TNFAIP8L1: variants seen among roughly 807,000 people sequenced by gnomAD.
The protein encoded by TNFAIP8L1 is TNF alpha induced protein 8 like 1.
For missense variants in TNFAIP8L1, 225 were observed against 266.1 expected, an observed-to-expected ratio of 0.85 and a Z score of 1.08; for synonymous variants, 127 against 125.6, an observed-to-expected ratio of 1.01 and a Z score of -0.08.
At chr19:4,640,202 C>T (rs1436055509) in intron 1 of TNFAIP8L1, 1 of 152,246 alleles carries the variant, frequency 6.6e-6, no homozygotes, top group African/African-American at 2.4e-5. Context: ...GCCTCCTGGC[C>T]TTTTCTGTGA....
intron 1 of TNFAIP8L1, among the ~76,000 whole-genome samples, chr19:4,649,978 C>T (rs1248612025): frequency 3.3e-5 from 5 of 152,216 alleles, no homozygotes; most frequent in African/African-American, 1.2e-4. Flanking sequence ...CAGCCTGGCG[C>T]TGGGGTGGGA....
At chr19:4,646,491 A>G (rs1489053568) in intron 1 of TNFAIP8L1, among the ~76,000 whole-genome samples, 1 of 151,990 alleles carries the variant, frequency 6.6e-6, no homozygotes, top group Non-Finnish European at 1.5e-5. Flanking sequence ...AATTTCTGGA[A>G]TCTCTAATTC....
intron 1 of TNFAIP8L1, among the ~76,000 whole-genome samples, chr19:4,643,228 G>A (rs371580440): frequency 4.8e-4 from 72 of 151,448 alleles, no homozygotes; most frequent in South Asian, 3.5e-3. Flanking sequence ...GCAGTGAGCC[G>A]AGATCACGCC....
chr19:4,646,166 A>G (rs78417497), intron 1 of TNFAIP8L1, among the ~76,000 whole-genome samples: 2,065 of 152,168 alleles, frequency 0.014, 42 homozygotes, highest in African/African-American at 0.048. Context: ...TTTTGCACCC[A>G]GGCTGGAGTG....
chr19:4,644,961 G>A (rs536443856), intron 1 of TNFAIP8L1, among the ~76,000 whole-genome samples: 1 of 152,296 alleles, frequency 6.6e-6, no homozygotes, highest in African/African-American at 2.4e-5. Context: ...GTGGGATGAG[G>A]CCTGGGATCA....
chr19:4,649,118 C>T (rs1487241128), intron 1 of TNFAIP8L1, among the ~76,000 whole-genome samples: 4 of 151,468 alleles, frequency 2.6e-5, no homozygotes, highest in African/African-American at 7.3e-5. Context: ...TTAGTAGAGA[C>T]GGGGTTTCAC....
intron 1 of TNFAIP8L1, 138 bp from the exon 2 acceptor site, chr19:4,651,729 T>C (rs1380423810): frequency 1.0e-6 from 1 of 974,490 alleles, no homozygotes; most frequent in Non-Finnish European, 1.5e-6. Flanking sequence ...ATTACAGGCG[T>C]GAGCCACTGC....
chr19:4,649,822 G>A (rs1038348069), intron 1 of TNFAIP8L1, among the ~76,000 whole-genome samples: 33 of 152,210 alleles, frequency 2.2e-4, no homozygotes, highest in African/African-American at 7.7e-4. Context: ...GGGCAGGGGC[G>A]GCCCATCCAG....
At chr19:4,649,254 A>C (rs1255093182) in intron 1 of TNFAIP8L1, among the ~76,000 whole-genome samples, 5 of 151,070 alleles carry the variant, frequency 3.3e-5, no homozygotes, top group Non-Finnish European at 7.4e-5. Context: ...TGCACAGGGA[A>C]TCTCACTGAG....
rs866259455 is a variant in TNFAIP8L1 at position 4,645,248 on chromosome 19, A to G, written c.-4+5619A>G. 2.6e-5 allele frequency among the ~76,000 whole-genome samples: 4 copies of G among 152,276 alleles called. No homozygotes were observed. The Middle Eastern group carries it at 0.01, about 388-fold the overall frequency. On this transcript the variant is annotated intron_variant, in intron 1 of 1. Transcript: ENST00000327473. The surrounding 1 kb of genome is among the most constrained non-coding windows in gnomAD (Gnocchi z 4.1). Reference sequence around the variant, plus strand: ...CGCAGCCATTATTTAACGTGGGAGAATATAAACTTATAGTTAAGGCTGGGC... The same window carrying G: ...CGCAGCCATTATTTAACGTGGGAGAGTATAAACTTATAGTTAAGGCTGGGC...
rs753758362 is a variant in TNFAIP8L1, at chr19:4,651,957, C to G, written c.88C>G (p.Leu30Val). ...KMASKAVVAV[L>V]VDDTSSEVLD... is the part of the protein sequence containing the mutation. Reference sequence around the variant, plus strand: ...GGCGTCCAAGGCAGTGGTGGCCGTGCTGGTGGATGACACCAGCAGTGAGGT... The same window carrying G: ...GGCGTCCAAGGCAGTGGTGGCCGTGGTGGTGGATGACACCAGCAGTGAGGT... Residue 30 changes from leucine to valine, a missense_variant, in exon 2 of 2, where the codon CTG (leucine) becomes GTG (valine). Leu to Val is a conservative substitution (Grantham distance 32). Coordinates refer to ENST00000327473, the MANE Select transcript of TNFAIP8L1 (RefSeq NM_152362.3). The G allele has an allele frequency of 1.9e-6, 3 of 1,614,096 alleles. No homozygotes were observed. Among genetic ancestry groups the G allele is most frequent in the Admixed American group, 1.7e-5 (1 of 60,030 alleles).
chr19:4,644,993 C>G (rs1000762538), intron 1 of TNFAIP8L1, among the ~76,000 whole-genome samples: 5 of 152,170 alleles, frequency 3.3e-5, no homozygotes, highest in African/African-American at 4.8e-5. Context: ...GGGAAGAGGC[C>G]TGAGGCCCCC....
At chr19:4,650,592 CA>C (rs1385901100) in intron 1 of TNFAIP8L1, among the ~76,000 whole-genome samples, 1 of 152,002 alleles carries the variant, frequency 6.6e-6, no homozygotes, top group East Asian at 1.9e-4. Flanking sequence ...CAGACAGGGA[CA>C]GGGGGATGGT....
rs1056128225 is a variant in TNFAIP8L1, at chr19:4,654,211, C to T, written c.*1781C>T. ...GCTGGCACGTTCAGCCAGGATGCCTCCGTGAAGCTGGAGACCTCTGCCCTG... is the reference window on the plus strand; with the variant it reads ...GCTGGCACGTTCAGCCAGGATGCCTTCGTGAAGCTGGAGACCTCTGCCCTG... On this transcript the variant is annotated 3_prime_UTR_variant, in exon 2 of 2. Transcript: ENST00000327473. The T allele has an allele frequency of 1.3e-5, 2 of 152,248 alleles. No individual in the cohort carries two copies. The highest frequency in any genetic ancestry group is 4.8e-5 in the African/African-American group (2 of 41,448). 9.4% of individuals were successfully genotyped at this position (152,248 alleles called of 1,614,324 possible).
At position 4,641,652 on chromosome 19, in the gene TNFAIP8L1, T is replaced by C. The variant is rs2088262244; in HGVS notation, c.-4+2023T>C. The C allele has an allele frequency of 1.3e-5, 2 of 152,026 alleles. No individual in the cohort carries two copies. Among genetic ancestry groups the C allele is most frequent in the South Asian group, 4.2e-4 (2 of 4,806 alleles). 9.4% of individuals were successfully genotyped at this position (152,026 alleles called of 1,614,324 possible). A position where few individuals can be genotyped will look rare whatever the true frequency, so the allele number is the denominator to read the frequency against. On this transcript the variant is annotated intron_variant, in intron 1 of 1. Coordinates refer to ENST00000327473, the MANE Select transcript of TNFAIP8L1 (RefSeq NM_152362.3). The surrounding 1 kb of genome is among the most constrained non-coding windows in gnomAD (Gnocchi z 4.6). ...CTTTTTCTTGTGGGGCTGAGATAAC[T>C]GTGGGGAGGGAGGGTGCTTTGAGGG...
chr19:4,641,597 C>T lies in TNFAIP8L1; in HGVS notation c.-4+1968C>T, dbSNP rs1028203327. 1.3e-5 allele frequency: 2 copies of T among 152,200 alleles called. No homozygotes were observed. The highest frequency in any genetic ancestry group is 2.9e-5 in the Non-Finnish European group (2 of 68,060). The allele number at this position is 152,200 out of a possible 1,614,324, so 9.4% of individuals were successfully genotyped here. A position where few individuals can be genotyped will look rare whatever the true frequency, so the allele number is the denominator to read the frequency against. On this transcript the variant is annotated intron_variant, in intron 1 of 1. Transcript: ENST00000327473. The surrounding 1 kb of genome is among the most constrained non-coding windows in gnomAD (Gnocchi z 4.6). ...ATCCCCAGCTTCTAGGCCTCAGTTT[C>T]CCCATCTGTCCAATGGGGCTGGTCA...
intron 1 of TNFAIP8L1, among the ~76,000 whole-genome samples, chr19:4,643,122 T>A (rs1240246999): frequency 2.0e-5 from 3 of 151,460 alleles, no homozygotes; most frequent in African/African-American, 7.3e-5. Flanking sequence ...CTACTAAAAA[T>A]ACAAAAATTA....
In TNFAIP8L1 at chr19:4,654,293, G is replaced by A. The variant is rs1323604536; in HGVS notation, c.*1863G>A. On this transcript the variant is annotated 3_prime_UTR_variant, in exon 2 of 2. Transcript: ENST00000327473. ...ACTGCCACATGGGAGGGGACGGAGC[G>A]TGCCCACCTCCCAGGGGTGAGGGGG... 6.6e-6 allele frequency: 1 copy of A among 152,208 alleles called. No individual in the cohort carries two copies. Among genetic ancestry groups the A allele is most frequent in the African/African-American group, 2.4e-5 (1 of 41,442 alleles). The allele number at this position is 152,208 out of a possible 1,614,324, so 9.4% of individuals were successfully genotyped here.
intron 1 of TNFAIP8L1, among the ~76,000 whole-genome samples, chr19:4,651,246 GT>G (rs1378238971): frequency 6.6e-6 from 1 of 151,992 alleles, no homozygotes; most frequent in Non-Finnish European, 1.5e-5. Context: ...GATATGATGG[GT>G]TTGAGGGCTG....
Sources: gnomAD v4.1 joint callset for allele counts (sites outside exome capture counted in the v4.1 genomes callset) on GRCh38, gnomAD v4.1.1 for gene constraint, Gnocchi (gnomAD v3.1) non-coding constraint, MANE v1.5 for transcripts, NCBI Gene and HGNC (gene_info 2026-07-23, HGNC 2026-07-21) for gene names.